Variants in TIMELESS observed in about 807,000 individuals in gnomAD.
TIMELESS encodes protein timeless homolog.
Under a neutral mutation model 164.3 loss-of-function variants are expected in TIMELESS, and 124 were observed. That is an observed-to-expected ratio of 0.75 (90% CI 0.65 to 0.88). The LOEUF (loss-of-function observed/expected upper bound fraction) is 0.88. TIMELESS is among the 40% of genes least tolerant of loss of function. The pLI is 0.00. For synonymous variants in TIMELESS, 564 were observed against 563.4 expected, an observed-to-expected ratio of 1.00 and a Z score of -0.02; for missense variants, 1,422 against 1,491.4, an observed-to-expected ratio of 0.95 and a Z score of 0.77.
rs946532904 is a variant in TIMELESS at position 56,434,311 on chromosome 12, C to T, written c.-61-80G>A. 3.3e-5 allele frequency: 22 copies of T among 674,140 alleles called. No individual in the cohort carries two copies. The African/African-American group carries it at 3.6e-4, about 11-fold the overall frequency. The allele number at this position is 674,140 out of a possible 1,614,324, so 41.8% of individuals were successfully genotyped here. On this transcript the variant is annotated intron_variant, in intron 1 of 28. Transcript: ENST00000553532. ...AGGAACAGGACGAGGCCCTAATGCTCAGAATATTCTGAACAAGATCCTCAA... is the reference window on the plus strand; with the variant it reads ...AGGAACAGGACGAGGCCCTAATGCTTAGAATATTCTGAACAAGATCCTCAA...
In TIMELESS at chr12:56,428,540, G is replaced by C. The variant is rs771554013; in HGVS notation, c.1408+9C>G. 1 of 1,612,818 alleles carries C rather than the reference G, an allele frequency of 6.2e-7. No homozygotes were observed. Among genetic ancestry groups the C allele is most frequent in the Non-Finnish European group, 8.5e-7 (1 of 1,178,972 alleles). The stretch of plus-strand genomic sequence containing the variant: ...CAGGCTGGGATCGGGGACCAGGCCA[G>C]GGCCTCACTCTTGATGATGCGGCTG... On this transcript the variant is annotated intron_variant, in intron 12 of 28. Transcript: ENST00000553532.
intron 7 of TIMELESS, among the ~76,000 whole-genome samples, chr12:56,431,868 C>T (rs1488238881): frequency 3.1e-5 from 4 of 128,676 alleles, no homozygotes; most frequent in African/African-American, 5.2e-5. Context: ...AGAACATGTA[C>T]GTTCTATGTT....
intron 1 of TIMELESS, among the ~76,000 whole-genome samples, chr12:56,436,450 T>C: frequency 6.6e-6 from 1 of 152,024 alleles, no homozygotes; most frequent in Admixed American, 6.6e-5. Context: ...CAAGACTCCA[T>C]CTCAAAAAAT....
In TIMELESS at chr12:56,420,047, T is replaced by TATAC. The variant is rs1881410375; in HGVS notation, c.3228+521_3228+522insGTAT. On this transcript the variant is annotated intron_variant, in intron 26 of 28. Transcript: ENST00000553532. ...AAAAAAAAATATATATATATATATA[T>TATAC]ATGTGTGTGTGTGTGTGTGTGTGTA... Among the ~76,000 whole-genome samples the TATAC allele has an allele frequency of 1.3e-4, 10 of 78,228 alleles. No homozygotes were observed. The Admixed American group carries it at 1.4e-3, about 11-fold the overall frequency. The allele number at this position is 78,228 out of a possible 152,430, so 51.3% of individuals were successfully genotyped here.
intron 13 of TIMELESS, 76 bp downstream of exon 13, chr12:56,428,160 A>C: frequency 1.4e-6 from 2 of 1,421,964 alleles, no homozygotes; most frequent in Admixed American, 2.3e-5. Flanking sequence ...TAAGCTGTAC[A>C]AACTGTGAGA....
rs112377853 is a variant in TIMELESS, at chr12:56,427,266, G to C, written c.1578+970C>G. Reference sequence around the variant, plus strand: ...GCTTCCCAAATAGCTGGGACTACAGGTGCGTGCCATCACACCCAGCTAATT... The same window carrying C: ...GCTTCCCAAATAGCTGGGACTACAGCTGCGTGCCATCACACCCAGCTAATT... On this transcript the variant is annotated intron_variant, in intron 13 of 28. Transcript: ENST00000553532. Among the ~76,000 whole-genome samples, 1,253 of 152,188 alleles carry C rather than the reference G, an allele frequency of 8.2e-3. 11 individuals are homozygous for C. The highest frequency in any genetic ancestry group is 0.027 in the African/African-American group (1,100 of 41,504).
At chr12:56,448,435 A>T (rs1868423784) in intron 1 of TIMELESS, among the ~76,000 whole-genome samples, 1 of 142,568 alleles carries the variant, frequency 7.0e-6, no homozygotes, top group Non-Finnish European at 1.5e-5. Flanking sequence ...ACAACCAAAA[A>T]AAACAAACAG....
At chr12:56,429,522 GAC>G (rs1447373301) in intron 10 of TIMELESS, among the ~76,000 whole-genome samples, 42 of 39,450 alleles carry the variant, frequency 1.1e-3, no homozygotes, top group African/African-American at 4.2e-3. Flanking sequence ...TTTTTTTTTT[GAC>G]AGTCTTGCAC....
At chr12:56,418,544 T>A (rs922483415) in intron 26 of TIMELESS, among the ~76,000 whole-genome samples, 185 bp from the exon 27 acceptor site, 41 of 151,904 alleles carry the variant, frequency 2.7e-4, no homozygotes, top group Middle Eastern at 6.8e-3. Context: ...CATTAGGAGG[T>A]TCCCAGTTAT....
At chr12:56,422,813 A>AACCCCAC in intron 19 of TIMELESS, 34 bp downstream of exon 19, 1 of 1,357,054 alleles carries the variant, frequency 7.4e-7, no homozygotes, top group Non-Finnish European at 1.0e-6. Context: ...AACTTCCCCT[A>AACCCCAC]CCCCCACCCA....
intron 5 of TIMELESS, 29 bp from the exon 6 acceptor site, chr12:56,433,156 C>T (rs769315752): frequency 1.2e-6 from 2 of 1,605,964 alleles, no homozygotes; most frequent in Non-Finnish European, 1.7e-6. Flanking sequence ...GAGGAAGAGA[C>T]TCCCTGTGGA....
rs1565683848 is a variant in TIMELESS, at chr12:56,430,168, G to GA, written c.1022dup (p.Leu342ProfsTer7). 6.2e-7 allele frequency: 1 copy of GA among 1,614,092 alleles called. No homozygotes were observed. Among genetic ancestry groups the GA allele is most frequent in the Non-Finnish European group, 8.5e-7 (1 of 1,180,006 alleles). On this transcript the variant is annotated frameshift_variant, in exon 10 of 29. Transcript: ENST00000553532. LOFTEE classifies it high-confidence loss of function. ...GGAACTCAGAGCAGAAGTCTCTGAG[G>GA]AAGAGCCTCACATTGAGGGCAGAAC...
intron 1 of TIMELESS, among the ~76,000 whole-genome samples, chr12:56,442,705 C>T (rs575074397): frequency 8.5e-5 from 13 of 152,268 alleles, no homozygotes; most frequent in East Asian, 1.9e-4. Flanking sequence ...GAAAACCAAA[C>T]GACCCTCTAT....
Position 56,430,963 on chromosome 12 carries a change from G to C in TIMELESS, c.827C>G (p.Ser276Cys). 1 of 1,577,456 alleles carries C rather than the reference G, an allele frequency of 6.3e-7. No individual in the cohort carries two copies. The highest frequency in any genetic ancestry group is 1.7e-4 in the Middle Eastern group (1 of 5,908). The change falls in exon 9 of 29, where the codon TCT becomes TGT. Residue 276 changes from serine (S) to cysteine (C), a missense_variant. Coordinates refer to ENST00000553532, the MANE Select transcript of TIMELESS (RefSeq NM_003920.5). Reference protein sequence around the residue: ...TRALQRGNRHSRFGGSYIVQG... With the variant: ...TRALQRGNRHCRFGGSYIVQG... ...GACAATATAGGAGCCCCCAAATCGA[G>C]AATGCCTGCAGAAACAAAAAGGTCC...
At chr12:56,421,288 G>T in intron 23 of TIMELESS, 63 bp downstream of exon 23, 1 of 1,589,996 alleles carries the variant, frequency 6.3e-7, no homozygotes, top group East Asian at 2.2e-5. Flanking sequence ...CAGGTGGACT[G>T]CTCCTAAGGA....
intron 26 of TIMELESS, among the ~76,000 whole-genome samples, chr12:56,419,431 G>A (rs1349763515): frequency 6.6e-6 from 1 of 150,496 alleles, no homozygotes; most frequent in Non-Finnish European, 1.5e-5. Context: ...TTGAAGACTG[G>A]GTAGAGGTCC....
In TIMELESS at chr12:56,432,388, G is replaced by T; in HGVS notation, c.668C>A (p.Ser223Tyr). 1.9e-6 allele frequency: 3 copies of T among 1,613,918 alleles called. No homozygotes were observed. The East Asian group carries it at 6.7e-5, about 36-fold the overall frequency. The change falls in exon 7 of 29, where the codon TCC becomes TAC. Residue 223 changes from serine (S) to tyrosine (Y), a missense_variant. By Grantham distance (144) the Ser-to-Tyr change is moderately radical (BLOSUM62 -2). Transcript: ENST00000553532. ...TCTCACCTGGTCACGAAACATAAGG[G>T]AGACAATCTCTAGCACATGTAGGCT... ...QWSLHVLEIV[S>Y]LMFRDQNPEQ...
At chr12:56,440,561 T>G (rs1868260746) in intron 1 of TIMELESS, among the ~76,000 whole-genome samples, 1 of 152,210 alleles carries the variant, frequency 6.6e-6, no homozygotes, top group African/African-American at 2.4e-5. Flanking sequence ...GAATTCCAAT[T>G]CTGTCTGGTA....
chr12:56,432,588 T>C, intron 6 of TIMELESS, 64 bp from the exon 7 acceptor site: 1 of 1,568,780 alleles, frequency 6.4e-7, no homozygotes, highest in Non-Finnish European at 8.7e-7. Context: ...GCCTTGAAGC[T>C]CTCCAACTCA....
Sources: allele counts gnomAD v4.1 joint callset (sites outside exome capture counted in the v4.1 genomes callset), GRCh38; gene constraint gnomAD v4.1.1; transcripts MANE v1.5; gene names NCBI Gene and HGNC (gene_info 2026-07-23, HGNC 2026-07-21).